The following SLC39A11 variants were observed in gnomAD, a reference collection of about 807,000 sequenced individuals.
SLC39A11 encodes zinc transporter ZIP11.
A neutral mutation model predicts 36.1 loss-of-function variants in SLC39A11; 33 were observed. The observed-to-expected ratio is 0.91, with a 90% CI of 0.69 to 1.22. The LOEUF is 1.22. Ranked by LOEUF, SLC39A11 falls within the 50% of genes most tolerant of loss-of-function variation. The pLI, the probability that SLC39A11 is intolerant of heterozygous loss-of-function variation, is 0.00. For synonymous variants in SLC39A11, 166 were observed against 170.3 expected, an observed-to-expected ratio of 0.97 and a Z score of 0.20; for missense variants, 432 against 430.3, an observed-to-expected ratio of 1.00 and a Z score of -0.03.
chr17:73,056,713 T>C (rs1450508915), intron 3 of SLC39A11, among the ~76,000 whole-genome samples: 1 of 152,084 alleles, frequency 6.6e-6, no homozygotes, highest in East Asian at 1.9e-4. Context: ...CAGGGAGTCA[T>C]GGGTTCACCT....
intron 5 of SLC39A11, among the ~76,000 whole-genome samples, chr17:72,894,854 T>G (rs923960722): frequency 1.3e-5 from 2 of 152,002 alleles, no homozygotes; most frequent in African/African-American, 4.8e-5. Flanking sequence ...CCTAGAGAGA[T>G]GGTGCTGTAG....
chr17:72,879,736 C>A (rs963706695), intron 5 of SLC39A11, among the ~76,000 whole-genome samples: 35 of 152,296 alleles, frequency 2.3e-4, no homozygotes, highest in African/African-American at 8.4e-4. Flanking sequence ...GCATGCTGAC[C>A]ACCTGCCCTC....
At chr17:73,004,202 A>AGGAAAGAAAGAAAG (rs1491387403) in intron 4 of SLC39A11, among the ~76,000 whole-genome samples, 10 of 125,048 alleles carry the variant, frequency 8.0e-5, no homozygotes, top group African/African-American at 2.0e-4. Flanking sequence ...AAAGAAAGAA[A>AGGAAAGAAAGAAAG]GAAAGAAAGA....
intron 6 of SLC39A11, among the ~76,000 whole-genome samples, chr17:72,834,480 C>G (rs1381434639): frequency 1.3e-5 from 2 of 151,984 alleles, no homozygotes; most frequent in African/African-American, 4.8e-5. Flanking sequence ...AAATTACCTG[C>G]GCATGGTGAC....
intron 3 of SLC39A11, among the ~76,000 whole-genome samples, chr17:73,036,757 T>C (rs2058930292): frequency 6.6e-6 from 1 of 152,180 alleles, no homozygotes. Context: ...GGTCCATAGT[T>C]TCCATTAGGG....
At chr17:73,046,416 G>C (rs1288700561) in intron 3 of SLC39A11, among the ~76,000 whole-genome samples, 1 of 152,266 alleles carries the variant, frequency 6.6e-6, no homozygotes, top group East Asian at 1.9e-4. Flanking sequence ...AAGGAGTGAT[G>C]GGGCAGAATC....
At chr17:73,009,163 C>A (rs1207461564) in intron 4 of SLC39A11, among the ~76,000 whole-genome samples, 1 of 151,206 alleles carries the variant, frequency 6.6e-6, no homozygotes, top group African/African-American at 2.4e-5. Context: ...GGAGATCGAA[C>A]CCATCCTGGC....
At chr17:73,036,412 G>A (rs531585671) in intron 3 of SLC39A11, among the ~76,000 whole-genome samples, 23 of 151,422 alleles carry the variant, frequency 1.5e-4, no homozygotes, top group Non-Finnish European at 3.4e-4. Context: ...CATTAACACC[G>A]AAGGGCCATC....
chr17:72,962,238 A>G (rs2086662343), intron 4 of SLC39A11, among the ~76,000 whole-genome samples: 1 of 152,198 alleles, frequency 6.6e-6, no homozygotes, highest in African/African-American at 2.4e-5. Flanking sequence ...TGCATGAAGA[A>G]TTACCACAAG....
In SLC39A11 at chr17:72,936,411, T is replaced by TAAAA. The variant is rs746428868; in HGVS notation, c.430+11337_430+11340dup. ...TGGCAGTATCTCATCTGAAAAAAAGTAAAAAAAAAAAAAAAAAAAAAAAAA... is the reference window on the plus strand; with the variant it reads ...TGGCAGTATCTCATCTGAAAAAAAGTAAAAAAAAAAAAAAAAAAAAAAAAAAAAA... On this transcript the variant is annotated intron_variant, in intron 5 of 9. Coordinates refer to ENST00000255559, the MANE Select transcript of SLC39A11 (RefSeq NM_139177.4). Among the ~76,000 whole-genome samples the TAAAA allele has an allele frequency of 6.4e-4, 47 of 73,452 alleles. 2 individuals are homozygous for TAAAA. In the East Asian group the frequency reaches 7.0e-3, roughly 11 times the overall value. The allele number at this position is 73,452 out of a possible 152,430, so 48.2% of individuals were successfully genotyped here. A position where few individuals can be genotyped will look rare whatever the true frequency, so the allele number is the denominator to read the frequency against.
intron 4 of SLC39A11, among the ~76,000 whole-genome samples, chr17:72,962,441 C>A (rs2086674208): frequency 1.3e-5 from 2 of 152,166 alleles, no homozygotes; most frequent in South Asian, 4.1e-4. Flanking sequence ...ACGTTTCTTG[C>A]AACTAAGAAG....
intron 4 of SLC39A11, among the ~76,000 whole-genome samples, chr17:73,008,791 C>T (rs112733983): frequency 0.011 from 1,666 of 152,212 alleles, 25 homozygotes; most frequent in African/African-American, 0.038. Context: ...CAGTGGCTCA[C>T]GCCTGTAATC....
At chr17:72,688,770 TG>T (rs1474645575) in intron 7 of SLC39A11, among the ~76,000 whole-genome samples, 7 of 152,328 alleles carry the variant, frequency 4.6e-5, no homozygotes, top group Admixed American at 3.9e-4. Flanking sequence ...TGCAAATCCC[TG>T]GAACCAAATT....
intron 3 of SLC39A11, chr17:73,072,264 C>T (rs2060184557): frequency 6.6e-6 from 1 of 152,362 alleles, no homozygotes. Flanking sequence ...TGCAGGGAAA[C>T]ACAGAAGGGT....
At chr17:72,912,570 G>GATTAC in intron 5 of SLC39A11, among the ~76,000 whole-genome samples, 1 of 151,716 alleles carries the variant, frequency 6.6e-6, no homozygotes, top group Non-Finnish European at 1.5e-5. Context: ...AAAGAGCTGG[G>GATTAC]AGCCTGCCAC....
chr17:72,850,245 T>C (rs557905036), intron 5 of SLC39A11, among the ~76,000 whole-genome samples: 2 of 151,896 alleles, frequency 1.3e-5, no homozygotes, highest in African/African-American at 4.8e-5. Context: ...GCCCAGGAGT[T>C]CGAGACCAGC....
chr17:72,980,050 G>A (rs1422599777), intron 4 of SLC39A11, among the ~76,000 whole-genome samples: 1 of 152,134 alleles, frequency 6.6e-6, no homozygotes, highest in Non-Finnish European at 1.5e-5. Flanking sequence ...GCTCTGTTAA[G>A]ACCATGACAT....
intron 7 of SLC39A11, among the ~76,000 whole-genome samples, chr17:72,716,049 G>C (rs1259210644): frequency 2.0e-5 from 3 of 152,008 alleles, no homozygotes; most frequent in Admixed American, 1.3e-4. Flanking sequence ...CATGGTAAGT[G>C]TGAAAAAATA....
chr17:72,671,206 C>A (rs2071008991), intron 7 of SLC39A11, among the ~76,000 whole-genome samples: 1 of 152,190 alleles, frequency 6.6e-6, no homozygotes, highest in Admixed American at 6.5e-5. Context: ...TGAACTGACA[C>A]AAACTCTGGC....
Sources: allele counts gnomAD v4.1 joint callset (sites outside exome capture counted in the v4.1 genomes callset), GRCh38; gene constraint gnomAD v4.1.1; transcripts MANE v1.5; gene names NCBI Gene and HGNC (gene_info 2026-07-23, HGNC 2026-07-21).